Variants in MAF observed in about 807,000 individuals in gnomAD.
MAF encodes transcription factor Maf.
Under a neutral mutation model 22.0 loss-of-function variants are expected in MAF, and 10 were observed. The observed-to-expected ratio is 0.45, with a 90% CI of 0.28 to 0.77. The LOEUF (loss-of-function observed/expected upper bound fraction) is 0.77, where lower values mean the gene tolerates loss of function less well. Among genes scored for constraint, MAF ranks in the 30% least tolerant of loss-of-function variants. The probability of loss-of-function intolerance (pLI) is 0.12; values close to 1 mark genes in which losing one functional copy is unlikely to be tolerated. For synonymous variants in MAF, 337 were observed against 255.8 expected, an observed-to-expected ratio of 1.32 and a Z score of -3.03; for missense variants, 544 against 548.4, an observed-to-expected ratio of 0.99 and a Z score of 0.08.
the MAF span, among the ~76,000 whole-genome samples, chr16:79,226,207 G>C: frequency 6.6e-6 from 1 of 152,134 alleles, no homozygotes; most frequent in African/African-American, 2.4e-5. Flanking sequence ...CCATAAAAAA[G>C]GATGAGTTCA....
the MAF span, among the ~76,000 whole-genome samples, chr16:79,557,568 C>T: frequency 2.0e-5 from 3 of 152,082 alleles, no homozygotes; most frequent in Non-Finnish European, 2.9e-5. Flanking sequence ...GGGCGTGTTA[C>T]AGCCCTAAAG....
chr16:79,372,191 T>C, the MAF span, among the ~76,000 whole-genome samples: 1 of 151,870 alleles, frequency 6.6e-6, no homozygotes, highest in Non-Finnish European at 1.5e-5. Context: ...TTGAGATCAG[T>C]AATCTCTGCC....
downstream of MAF, among the ~76,000 whole-genome samples, chr16:79,583,236 G>C (rs757047886): frequency 6.6e-6 from 1 of 152,084 alleles, no homozygotes; most frequent in Non-Finnish European, 1.5e-5. Flanking sequence ...TTTTTGTTTT[G>C]CTTTGTTTTT....
chr16:79,370,180 G>A, the MAF span, among the ~76,000 whole-genome samples: 3 of 152,184 alleles, frequency 2.0e-5, no homozygotes, highest in African/African-American at 7.2e-5. Context: ...GGTAAAAGGA[G>A]TAGTCTTAAT....
the MAF span, among the ~76,000 whole-genome samples, chr16:79,478,531 C>T: frequency 6.6e-6 from 1 of 152,048 alleles, no homozygotes; most frequent in African/African-American, 2.4e-5. Flanking sequence ...ATGCTGGGAC[C>T]CCTGTGAGAG....
the MAF span, among the ~76,000 whole-genome samples, chr16:79,464,021 C>G: frequency 6.6e-6 from 1 of 150,894 alleles, no homozygotes. Context: ...TATGTTTGGA[C>G]GGAGAAGGAA....
chr16:79,397,342 T>A, the MAF span, among the ~76,000 whole-genome samples: 2 of 152,234 alleles, frequency 1.3e-5, no homozygotes, highest in South Asian at 4.1e-4. Context: ...CTTTGTTCTT[T>A]AAATAGTGCA....
the MAF span, among the ~76,000 whole-genome samples, chr16:79,444,349 T>C: frequency 6.5e-4 from 99 of 152,338 alleles, no homozygotes; most frequent in African/African-American, 2.2e-3. Context: ...TGCATACGTA[T>C]TATTTTAATA....
the MAF span, among the ~76,000 whole-genome samples, chr16:79,238,768 G>T: frequency 2.0e-5 from 3 of 151,758 alleles, no homozygotes; most frequent in Non-Finnish European, 2.9e-5. Flanking sequence ...AATTTAAATG[G>T]GTAGGCTGTA....
At chr16:79,295,088 G>A in the MAF span, among the ~76,000 whole-genome samples, 1 of 151,632 alleles carries the variant, frequency 6.6e-6, no homozygotes, top group Non-Finnish European at 1.5e-5. Context: ...CTTTTTTTGG[G>A]GGTGGGGGAG....
the MAF span, among the ~76,000 whole-genome samples, chr16:79,494,752 C>T: frequency 3.9e-5 from 6 of 152,096 alleles, no homozygotes; most frequent in African/African-American, 1.4e-4. Flanking sequence ...TATGCAGATC[C>T]CGTAGATGAA....
chr16:79,274,064 C>T, the MAF span, among the ~76,000 whole-genome samples: 7 of 150,398 alleles, frequency 4.7e-5, no homozygotes, highest in South Asian at 2.1e-4. Context: ...AAGCAATTCT[C>T]CTGCCTCAGC....
chr16:79,214,929 C>G, the MAF span, among the ~76,000 whole-genome samples: 1 of 150,800 alleles, frequency 6.6e-6, no homozygotes, highest in Non-Finnish European at 1.5e-5. Context: ...AGGCTGGTCT[C>G]GAACTCCTGA....
At chr16:79,409,521 C>T in the MAF span, among the ~76,000 whole-genome samples, 3 of 152,194 alleles carry the variant, frequency 2.0e-5, no homozygotes, top group African/African-American at 4.8e-5. Context: ...GACAGGAGCC[C>T]GTGTCTTCAC....
At chr16:79,304,719 G>A in the MAF span, among the ~76,000 whole-genome samples, 5 of 152,150 alleles carry the variant, frequency 3.3e-5, no homozygotes, top group African/African-American at 9.7e-5. Context: ...TACATATTTT[G>A]TTTCAGAGAA....
chr16:79,337,413 T>C, the MAF span, among the ~76,000 whole-genome samples: 2 of 151,832 alleles, frequency 1.3e-5, no homozygotes, highest in African/African-American at 2.4e-5. Flanking sequence ...CTACTAAAAA[T>C]ACAAAAATTA....
At chr16:79,519,751 G>A in the MAF span, among the ~76,000 whole-genome samples, 1 of 152,240 alleles carries the variant, frequency 6.6e-6, no homozygotes, top group Non-Finnish European at 1.5e-5. Flanking sequence ...CTAACTCATG[G>A]GCCGGTGTGA....
chr16:79,593,394 G>A (rs949800855), downstream of MAF, among the ~76,000 whole-genome samples: 3 of 152,078 alleles, frequency 2.0e-5, no homozygotes, highest in African/African-American at 7.2e-5. Context: ...TCTGTCTTCT[G>A]TCCACTGCTT....
At chr16:79,236,367 T>A in the MAF span, among the ~76,000 whole-genome samples, 2 of 151,926 alleles carry the variant, frequency 1.3e-5, no homozygotes, top group Non-Finnish European at 2.9e-5. Flanking sequence ...GGAGCTCCTG[T>A]ACGTCCTCCA....
Sources: gnomAD v4.1 joint callset for allele counts (sites outside exome capture counted in the v4.1 genomes callset) on GRCh38, gnomAD v4.1.1 for gene constraint, MANE v1.5 for transcripts, NCBI Gene and HGNC (gene_info 2026-07-23, HGNC 2026-07-21) for gene names.